NBAS: variants seen among roughly 807,000 people sequenced by gnomAD.
NBAS encodes the protein NAG/BC035112 fusion.
NBAS carries 219 observed loss-of-function variants against 302.5 expected under a neutral mutation model. The ratio of observed to expected loss-of-function variants is 0.72; its 90% CI spans 0.65 to 0.81. The LOEUF is 0.81. Among genes scored for constraint, NBAS ranks in the 30% least tolerant of loss-of-function variants. The pLI is 0.00. For missense variants in NBAS, 2,932 were observed against 2,841.6 expected, an observed-to-expected ratio of 1.03 and a Z score of -0.72; for synonymous variants, 1,118 against 1,021.6, an observed-to-expected ratio of 1.09 and a Z score of -1.80.
At chr2:14,825,865 T>C in the NBAS span, among the ~76,000 whole-genome samples, 1 of 152,108 alleles carries the variant, frequency 6.6e-6, no homozygotes, top group Non-Finnish European at 1.5e-5. Flanking sequence ...GGTAGAAACG[T>C]TACATGAAAG....
chr2:14,781,137 T>A, the NBAS span, among the ~76,000 whole-genome samples: 1 of 152,338 alleles, frequency 6.6e-6, no homozygotes, highest in South Asian at 2.1e-4. Context: ...TTACTGGGAT[T>A]GAAATGATGT....
the NBAS span, among the ~76,000 whole-genome samples, chr2:15,062,943 G>A: frequency 6.6e-6 from 1 of 152,310 alleles, no homozygotes; most frequent in East Asian, 1.9e-4. Context: ...AAGGTTATAA[G>A]CCCATGCAGT....
At chr2:15,560,235 A>G (rs186400155) in intron 1 of NBAS, among the ~76,000 whole-genome samples, 6 of 152,294 alleles carry the variant, frequency 3.9e-5, no homozygotes, top group South Asian at 2.1e-4. Context: ...TTAAATAAAC[A>G]TGGATCCAAA....
chr2:15,275,452 C>A, intron 44 of NBAS, 32 bp downstream of exon 44: 1 of 1,599,272 alleles, frequency 6.3e-7, no homozygotes, highest in Non-Finnish European at 8.6e-7. Flanking sequence ...TTCTACTGTG[C>A]TCAAACCACT....
rs2302940 is a variant in NBAS, at chr2:15,186,710, T to C, written c.6711+32A>G. The C allele has an allele frequency of 0.076, 122,183 of 1,613,310 alleles. 5,009 individuals are homozygous for C. Among genetic ancestry groups the C allele is most frequent in the East Asian group, 0.13 (5,833 of 44,808 alleles). ...AAGAGTTCTGATAAGCAAAGGCCAC[T>C]CCTTAGGAAAGCACTCAAAATATCC... On this transcript the variant is annotated intron_variant, in intron 50 of 51. Coordinates refer to ENST00000281513, the MANE Select transcript of NBAS (RefSeq NM_015909.4).
chr2:15,034,029 G>GAAGAAGAAGAAGAA, the NBAS span, among the ~76,000 whole-genome samples: 19 of 11,556 alleles, frequency 1.6e-3, no homozygotes, highest in East Asian at 5.8e-3. Context: ...AAGAAGAAGA[G>GAAGAAGAAGAAGAA]GAGGAGGAAG....
chr2:15,024,070 G>A, the NBAS span, among the ~76,000 whole-genome samples: 1 of 151,806 alleles, frequency 6.6e-6, no homozygotes, highest in Admixed American at 6.6e-5. Flanking sequence ...TTTGTCACTC[G>A]GATAGTCATA....
the NBAS span, among the ~76,000 whole-genome samples, chr2:14,894,353 G>T: frequency 3.2e-4 from 49 of 152,184 alleles, no homozygotes; most frequent in African/African-American, 1.1e-3. Context: ...GTACAGGGGG[G>T]CACCAAGAGG....
At chr2:15,116,205 C>T in the NBAS span, among the ~76,000 whole-genome samples, 4 of 152,032 alleles carry the variant, frequency 2.6e-5, no homozygotes, top group African/African-American at 9.7e-5. Flanking sequence ...GGATATTGAC[C>T]CCAGCAAGAG....
At chr2:15,106,050 T>G in the NBAS span, among the ~76,000 whole-genome samples, 1 of 152,142 alleles carries the variant, frequency 6.6e-6, no homozygotes. Context: ...CTATTAAAAG[T>G]TAAATCAGTC....
chr2:15,425,599 C>G (rs1043614381), intron 22 of NBAS, among the ~76,000 whole-genome samples: 1 of 152,104 alleles, frequency 6.6e-6, no homozygotes, highest in African/African-American at 2.4e-5. Context: ...TTGCTTATAC[C>G]TGCCACTACA....
chr2:15,533,021 C>T (rs190802040), intron 9 of NBAS, among the ~76,000 whole-genome samples: 2 of 152,224 alleles, frequency 1.3e-5, no homozygotes, highest in East Asian at 3.9e-4. Context: ...AAAAGCTACT[C>T]AGTTTCATCA....
the NBAS span, among the ~76,000 whole-genome samples, chr2:14,837,217 T>C: frequency 2.0e-5 from 3 of 151,824 alleles, no homozygotes; most frequent in Non-Finnish European, 4.4e-5. Context: ...GAGTAGGTAT[T>C]CTCTTGTTCC....
the NBAS span, among the ~76,000 whole-genome samples, chr2:14,929,540 G>A: frequency 6.6e-6 from 1 of 152,208 alleles, no homozygotes; most frequent in South Asian, 2.1e-4. Flanking sequence ...ACCACACCCA[G>A]CCAATTTTTG....
intron 19 of NBAS, among the ~76,000 whole-genome samples, chr2:15,464,176 A>C (rs375638272): frequency 1.8e-4 from 28 of 152,270 alleles, no homozygotes; most frequent in African/African-American, 6.0e-4. Flanking sequence ...TCAAATAGAT[A>C]ATTAGTGCTG....
the NBAS span, among the ~76,000 whole-genome samples, chr2:15,066,052 G>GAATA: frequency 0.51 from 76,941 of 151,656 alleles, 21,745 homozygotes; most frequent in Non-Finnish European, 0.62. Context: ...CAATGGAACA[G>GAATA]AATAAATAGC....
intron 44 of NBAS, among the ~76,000 whole-genome samples, chr2:15,252,545 C>T (rs1350969297): frequency 6.6e-6 from 1 of 151,268 alleles, no homozygotes; most frequent in East Asian, 1.9e-4. Flanking sequence ...AAAAAAAGAA[C>T]ATAGCATGAC....
At chr2:14,816,873 C>T in the NBAS span, among the ~76,000 whole-genome samples, 1 of 152,104 alleles carries the variant, frequency 6.6e-6, no homozygotes, top group Admixed American at 6.5e-5. Flanking sequence ...AGATGTGGAG[C>T]GAGCCATAGC....
chr2:14,841,118 A>C, the NBAS span, among the ~76,000 whole-genome samples: 2 of 151,976 alleles, frequency 1.3e-5, no homozygotes, highest in Non-Finnish European at 1.5e-5. Flanking sequence ...CATCTCTTTA[A>C]AATATCTAGT....
Sources: gnomAD v4.1 joint callset for allele counts (sites outside exome capture counted in the v4.1 genomes callset) on GRCh38, gnomAD v4.1.1 for gene constraint, MANE v1.5 for transcripts, NCBI Gene and HGNC (gene_info 2026-07-23, HGNC 2026-07-21) for gene names.